Variants in TNNI3K observed in about 807,000 individuals in gnomAD.
The protein encoded by TNNI3K is TNNI3 interacting kinase, also known as serine/threonine-protein kinase TNNI3K.
In TNNI3K, 140 loss-of-function variants were observed where a neutral mutation model predicts 114.5. That is an observed-to-expected ratio of 1.22 (90% confidence interval 1.07 to 1.41). TNNI3K has a LOEUF of 1.41. Among genes scored for constraint, TNNI3K ranks in the 40% most tolerant of loss-of-function variants. TNNI3K has a pLI of 0.00. For synonymous variants in TNNI3K, 347 were observed against 347.5 expected (o/e 1.00, Z 0.02); for missense variants, 1,125 against 1,007.6 (o/e 1.12, Z -1.58).
chr1:74,257,858 G>A (rs1285090736), intron 4 of TNNI3K, among the ~76,000 whole-genome samples: 3 of 151,554 alleles, frequency 2.0e-5, no homozygotes, highest in Non-Finnish European at 4.4e-5. Context: ...TAGTAGAGAC[G>A]GGGTTTCACC....
At chr1:74,399,046 C>T (rs1337520906) in intron 17 of TNNI3K, among the ~76,000 whole-genome samples, 1 of 151,146 alleles carries the variant, frequency 6.6e-6, no homozygotes, top group Non-Finnish European at 1.5e-5. Context: ...ATCCCAGCTA[C>T]TCAGGAGTCT....
chr1:74,409,380 G>C (rs1057207702), intron 17 of TNNI3K, among the ~76,000 whole-genome samples: 3 of 151,254 alleles, frequency 2.0e-5, no homozygotes, highest in Non-Finnish European at 4.4e-5. Context: ...TTGAGGTTAT[G>C]TTTAAATATA....
chr1:74,395,096 T>G lies in TNNI3K; in HGVS notation c.1772+24704T>G, dbSNP rs199823112. ...AAGCCCCTACACAACAACTGATAGG[T>G]GACATCCGGGAAGACTGTGACCCCC... On this transcript the variant is annotated intron_variant, in intron 17 of 24. Coordinates refer to ENST00000326637, the MANE Select transcript of TNNI3K (RefSeq NM_015978.3). Among the ~76,000 whole-genome samples the G allele has an allele frequency of 7.3e-5, 11 of 150,016 alleles. No homozygotes were observed. In the East Asian group the frequency reaches 2.2e-3, roughly 29 times the overall value.
At chr1:74,517,183 G>A (rs1022709261) in intron 23 of TNNI3K, among the ~76,000 whole-genome samples, 1 of 151,880 alleles carries the variant, frequency 6.6e-6, no homozygotes, top group Non-Finnish European at 1.5e-5. Context: ...ATCTTGTAGG[G>A]GTAACTCTTT....
Position 74,497,564 on chromosome 1 carries a change from G to GCA in TNNI3K, c.2351+5315_2351+5316dup, listed in dbSNP as rs748626223. Among the ~76,000 whole-genome samples the GCA allele has an allele frequency of 3.5e-3, 515 of 147,362 alleles. 1 individual carries two copies. Among genetic ancestry groups the GCA allele is most frequent in the African/African-American group, 5.8e-3 (234 of 40,310 alleles). ...TGGCTTCAACTCACACCACATACAT[G>GCA]CACACACACACACACACATACACAT... On this transcript the variant is annotated intron_variant, in intron 23 of 24. Coordinates refer to ENST00000326637, the MANE Select transcript of TNNI3K (RefSeq NM_015978.3).
At position 74,543,514 on chromosome 1, in the gene TNNI3K, G is replaced by A. The variant is rs372820997; in HGVS notation, c.2432-392G>A. Among the ~76,000 whole-genome samples, 50 of 152,216 alleles carry A rather than the reference G, an allele frequency of 3.3e-4. No homozygotes were observed. The East Asian group carries it at 7.9e-3, about 24-fold the overall frequency. On this transcript the variant is annotated intron_variant, in intron 24 of 24. Transcript: ENST00000326637. ...TCTCCCATTTACAGATGAACACACC[G>A]AGGCATAGAAAGGTTAAGTTGACAA... is the stretch of plus-strand genomic sequence containing the variant.
chr1:74,484,310 A>T (rs1668646576), intron 21 of TNNI3K, among the ~76,000 whole-genome samples: 1 of 152,096 alleles, frequency 6.6e-6, no homozygotes, highest in South Asian at 2.1e-4. Context: ...ACATAAAATG[A>T]TTAATTCTAT....
intron 23 of TNNI3K, among the ~76,000 whole-genome samples, chr1:74,494,566 T>G (rs1669236517): frequency 6.6e-6 from 1 of 152,212 alleles, no homozygotes; most frequent in Admixed American, 6.5e-5. Context: ...TCTGTTCTTA[T>G]TCTCTACTTG....
chr1:74,501,012 A>G (rs1230849130), intron 23 of TNNI3K, among the ~76,000 whole-genome samples: 1 of 152,154 alleles, frequency 6.6e-6, no homozygotes, highest in Admixed American at 6.5e-5. Context: ...GACATCTTTC[A>G]TAAACTCTGG....
At position 74,498,475 on chromosome 1, in the gene TNNI3K, T is replaced by C. The variant is rs1459925991; in HGVS notation, c.2351+6209T>C. ...GTTAAAAACAGAAATTCTCTTCTTT[T>C]TTGTTTTGTTCAGGTGCCTACAATA... On this transcript the variant is annotated intron_variant, in intron 23 of 24. Transcript: ENST00000326637. Among the ~76,000 whole-genome samples, 67 of 152,214 alleles carry C rather than the reference T, an allele frequency of 4.4e-4. 1 individual carries two copies. The highest frequency in any genetic ancestry group is 5.9e-5 in the Non-Finnish European group (4 of 68,032).
At chr1:74,371,510 G>A (rs1192743570) in intron 17 of TNNI3K, 2 of 111,740 alleles carry the variant, frequency 1.8e-5, no homozygotes, top group African/African-American at 7.0e-5. Context: ...GATGACATAT[G>A]AGCTTGGTCC....
At chr1:74,306,266 T>C (rs534466937) in intron 5 of TNNI3K, among the ~76,000 whole-genome samples, 2 of 152,342 alleles carry the variant, frequency 1.3e-5, no homozygotes, top group East Asian at 3.9e-4. Context: ...ATTTTCTTTA[T>C]CCAATCCATC....
intron 6 of TNNI3K, 152 bp from the exon 7 acceptor site, chr1:74,335,859 C>G: frequency 1.4e-6 from 1 of 732,480 alleles, no homozygotes; most frequent in Non-Finnish European, 2.1e-6. Context: ...TTGTATTAAT[C>G]AACCCTAGAA....
intron 11 of TNNI3K, among the ~76,000 whole-genome samples, chr1:74,358,524 G>T (rs971775662): frequency 5.3e-4 from 81 of 152,164 alleles, no homozygotes; most frequent in African/African-American, 1.9e-3. Context: ...ATGAGGGTGG[G>T]AGAGGAGTAC....
At chr1:74,340,244 T>C (rs1660684672) in intron 7 of TNNI3K, among the ~76,000 whole-genome samples, 2 of 152,138 alleles carry the variant, frequency 1.3e-5, no homozygotes, top group African/African-American at 4.8e-5. Context: ...ACTATCTACC[T>C]ACTCTCTTCA....
intron 23 of TNNI3K, among the ~76,000 whole-genome samples, chr1:74,499,379 AT>A (rs1669493284): frequency 6.6e-6 from 1 of 152,174 alleles, no homozygotes; most frequent in African/African-American, 2.4e-5. Flanking sequence ...AGGTTAAATG[AT>A]TCAGCTTCCT....
chr1:74,470,413 C>T (rs1009357403), intron 21 of TNNI3K: 6 of 400,516 alleles, frequency 1.5e-5, no homozygotes, highest in Non-Finnish European at 2.2e-5. Flanking sequence ...TGCTTCAGTG[C>T]CGTCATTTCT....
chr1:74,439,748 C>A (rs901470400), intron 20 of TNNI3K, 126 bp downstream of exon 20: 2 of 1,429,822 alleles, frequency 1.4e-6, no homozygotes, highest in African/African-American at 2.9e-5. Flanking sequence ...GGTAAGCAAA[C>A]AATCTTAAAT....
chr1:74,419,459 T>A (rs1180954251), intron 17 of TNNI3K, among the ~76,000 whole-genome samples: 2 of 152,118 alleles, frequency 1.3e-5, no homozygotes, highest in Non-Finnish European at 2.9e-5. Flanking sequence ...TACTACACTA[T>A]CCATGCTACA....
Sources: gnomAD v4.1 joint callset for allele counts (sites outside exome capture counted in the v4.1 genomes callset) on GRCh38, gnomAD v4.1.1 for gene constraint, MANE v1.5 for transcripts, NCBI Gene and HGNC (gene_info 2026-07-23, HGNC 2026-07-21) for gene names.